Variants in LUZP2 observed in about 807,000 individuals in gnomAD.
LUZP2 encodes leucine zipper protein 2.
Under a neutral mutation model 51.6 loss-of-function variants are expected in LUZP2, and 52 were observed. The observed-to-expected ratio is 1.01, with a 90% CI of 0.81 to 1.27. The LOEUF (loss-of-function observed/expected upper bound fraction) is 1.27. Among genes scored for constraint, LUZP2 ranks in the 50% most tolerant of loss-of-function variants. The pLI, the probability that LUZP2 is intolerant of heterozygous loss-of-function variation, is 0.00. For synonymous variants in LUZP2, 154 were observed against 137.3 expected, an observed-to-expected ratio of 1.12 and a Z score of -0.85; for missense variants, 436 against 395.4, an observed-to-expected ratio of 1.10 and a Z score of -0.87.
At chr11:24,524,042 T>C (rs1351502435) in intron 1 of LUZP2, among the ~76,000 whole-genome samples, 1 of 151,748 alleles carries the variant, frequency 6.6e-6, no homozygotes, top group African/African-American at 2.4e-5. Flanking sequence ...TAAACAAAGA[T>C]GTTGAATGGA....
At chr11:24,671,434 G>A (rs1158492905) in intron 1 of LUZP2, among the ~76,000 whole-genome samples, 1 of 151,906 alleles carries the variant, frequency 6.6e-6, no homozygotes, top group Non-Finnish European at 1.5e-5. Context: ...ATTTGCTAAT[G>A]AAAACTTGAT....
At chr11:24,766,513 C>G (rs577863721) in intron 5 of LUZP2, among the ~76,000 whole-genome samples, 1 of 152,248 alleles carries the variant, frequency 6.6e-6, no homozygotes, top group South Asian at 2.1e-4. Flanking sequence ...CATTAAAACT[C>G]TTATGCTTTT....
intron 1 of LUZP2, among the ~76,000 whole-genome samples, chr11:24,502,572 G>A (rs1850029131): frequency 6.6e-6 from 1 of 151,940 alleles, no homozygotes; most frequent in South Asian, 2.1e-4. Context: ...TTTTAGTGAA[G>A]ATGGGGCTTC....
chr11:24,628,902 G>A (rs960655700), intron 1 of LUZP2, among the ~76,000 whole-genome samples: 2 of 151,990 alleles, frequency 1.3e-5, no homozygotes, highest in Admixed American at 6.6e-5. Flanking sequence ...GAGAATCTGT[G>A]TGTGTGAATA....
At chr11:24,595,314 A>T (rs1853405919) in intron 1 of LUZP2, among the ~76,000 whole-genome samples, 2 of 152,092 alleles carry the variant, frequency 1.3e-5, no homozygotes, top group South Asian at 4.1e-4. Flanking sequence ...ATACCCTCTA[A>T]TTGCTTTAAA....
At chr11:24,928,205 T>C (rs1200314457) in intron 7 of LUZP2, among the ~76,000 whole-genome samples, 6 of 152,068 alleles carry the variant, frequency 3.9e-5, no homozygotes, top group Admixed American at 2.6e-4. Flanking sequence ...ACTTCCTCTT[T>C]ACCAATTTGG....
intron 7 of LUZP2, among the ~76,000 whole-genome samples, chr11:24,946,737 G>A (rs773376140): frequency 1.3e-5 from 2 of 151,782 alleles, no homozygotes; most frequent in Non-Finnish European, 2.9e-5. Context: ...AGAATGTGCT[G>A]TATTGACCTC....
intron 1 of LUZP2, among the ~76,000 whole-genome samples, chr11:24,685,423 C>T (rs796475451): frequency 6.6e-6 from 1 of 152,134 alleles, no homozygotes; most frequent in Non-Finnish European, 1.5e-5. Flanking sequence ...ACCCCACATA[C>T]ACCCTCCTCA....
At chr11:24,827,570 A>G (rs201882354) in intron 5 of LUZP2, among the ~76,000 whole-genome samples, 1 of 151,982 alleles carries the variant, frequency 6.6e-6, no homozygotes, top group Non-Finnish European at 1.5e-5. Context: ...AACTTGAGGG[A>G]ACATTTTAGG....
At chr11:24,674,659 C>A (rs2133856143) in intron 1 of LUZP2, among the ~76,000 whole-genome samples, 1 of 152,134 alleles carries the variant, frequency 6.6e-6, no homozygotes, top group South Asian at 2.1e-4. Context: ...AAACTTTATT[C>A]CCCTGTATTC....
intron 1 of LUZP2, among the ~76,000 whole-genome samples, chr11:24,657,606 G>T (rs542149029): frequency 6.6e-6 from 1 of 152,074 alleles, no homozygotes; most frequent in Non-Finnish European, 1.5e-5. Flanking sequence ...GAAATAAAGG[G>T]TATTCAATTA....
chr11:25,049,324 A>G (rs1341062693), intron 9 of LUZP2, among the ~76,000 whole-genome samples: 6 of 152,200 alleles, frequency 3.9e-5, no homozygotes, highest in African/African-American at 1.4e-4. Context: ...CCAATATTCA[A>G]ATTAGCTCTT....
Position 24,715,261 on chromosome 11 carries a change from CTATG to C in LUZP2, c.63-13906_63-13903del, listed in dbSNP as rs1343823045. ...TTATGGTATCCAATTCAAGGAGCAA[CTATG>C]TGTGTGTGTGTGTGTGTGTGTGTGT... On this transcript the variant is annotated intron_variant, in intron 1 of 11. Coordinates refer to ENST00000336930, the MANE Select transcript of LUZP2 (RefSeq NM_001009909.4). Among the ~76,000 whole-genome samples the C allele has an allele frequency of 1.4e-3, 101 of 73,592 alleles. 1 individual carries two copies. The highest frequency in any genetic ancestry group is 3.8e-3 in the African/African-American group (89 of 23,200). 48.3% of individuals were successfully genotyped at this position (73,592 alleles called of 152,430 possible).
chr11:24,757,809 T>A (rs903475216), intron 4 of LUZP2, among the ~76,000 whole-genome samples: 11 of 151,962 alleles, frequency 7.2e-5, no homozygotes, highest in African/African-American at 2.7e-4. Context: ...TTCAACTAAT[T>A]AATTTTAAAT....
chr11:25,008,387 C>T (rs1856892864), intron 9 of LUZP2, among the ~76,000 whole-genome samples: 1 of 152,194 alleles, frequency 6.6e-6, no homozygotes, highest in Admixed American at 6.5e-5. Context: ...GAGCCCAACA[C>T]CCACAGTGCA....
chr11:24,684,741 T>A (rs559112632), intron 1 of LUZP2, among the ~76,000 whole-genome samples: 6 of 152,218 alleles, frequency 3.9e-5, no homozygotes, highest in Non-Finnish European at 7.3e-5. Flanking sequence ...GCTCACAATG[T>A]CAATCTTCTC....
intron 1 of LUZP2, among the ~76,000 whole-genome samples, chr11:24,544,814 G>C (rs995880621): frequency 2.0e-5 from 3 of 152,134 alleles, no homozygotes; most frequent in Non-Finnish European, 2.9e-5. Context: ...TAATGGGATT[G>C]CTAGGTCAAA....
chr11:24,655,174 T>A (rs1436925401), intron 1 of LUZP2, among the ~76,000 whole-genome samples: 1 of 152,180 alleles, frequency 6.6e-6, no homozygotes, highest in East Asian at 1.9e-4. Flanking sequence ...TACACTGGTG[T>A]AATTAAGACT....
intron 3 of LUZP2, among the ~76,000 whole-genome samples, chr11:24,737,496 T>G (rs992317127): frequency 1.8e-5 from 2 of 114,078 alleles, no homozygotes; most frequent in Non-Finnish European, 3.9e-5. Flanking sequence ...AGGTGATAGC[T>G]CGAGTAAAAA....
Sources: allele counts gnomAD v4.1 joint callset (sites outside exome capture counted in the v4.1 genomes callset), GRCh38; gene constraint gnomAD v4.1.1; transcripts MANE v1.5; gene names NCBI Gene and HGNC (gene_info 2026-07-23, HGNC 2026-07-21).